Variants in ANKRD36 observed in about 807,000 individuals in gnomAD.
ANKRD36 encodes the protein ankyrin repeat domain-containing protein 36A.
In ANKRD36, 179 loss-of-function variants were observed where a neutral mutation model predicts 278.1. That is an observed-to-expected ratio of 0.64 (90% CI 0.57 to 0.73). ANKRD36 has a LOEUF of 0.73. ANKRD36 is among the 30% of genes least tolerant of loss of function. ANKRD36 has a pLI of 0.00. For synonymous variants in ANKRD36, 320 were observed against 641.1 expected (o/e 0.50, Z 7.57); for missense variants, 1,159 against 1,956.7 (o/e 0.59, Z 7.69).
At chr2:97,156,894 C>T (rs1310632977) in intron 15 of ANKRD36, among the ~76,000 whole-genome samples, 2 of 151,724 alleles carry the variant, frequency 1.3e-5, no homozygotes, top group African/African-American at 4.8e-5. Flanking sequence ...TGTTTCCTGA[C>T]TTTTTAATGA....
chr2:97,218,604 C>CA, intron 64 of ANKRD36, among the ~76,000 whole-genome samples: 1 of 151,920 alleles, frequency 6.6e-6, no homozygotes, highest in Non-Finnish European at 1.5e-5. Flanking sequence ...TGTACCTTCT[C>CA]AGTTATCAGA....
chr2:97,220,815 T>C (rs1158697288), intron 66 of ANKRD36, among the ~76,000 whole-genome samples: 1 of 145,924 alleles, frequency 6.9e-6, no homozygotes, highest in African/African-American at 2.6e-5. Flanking sequence ...TTAGGGTACA[T>C]GTGCACATTG....
At chr2:97,196,274 A>T (rs569856288) in intron 40 of ANKRD36, among the ~76,000 whole-genome samples, 94 of 152,072 alleles carry the variant, frequency 6.2e-4, no homozygotes, top group Non-Finnish European at 1.1e-3. Flanking sequence ...CAGGAGTGTG[A>T]GTTGCTCCTC....
At chr2:97,136,102 C>G (rs1388860951) in intron 6 of ANKRD36, among the ~76,000 whole-genome samples, 2 of 150,704 alleles carry the variant, frequency 1.3e-5, no homozygotes, top group Non-Finnish European at 3.0e-5. Context: ...AGCCCCACCC[C>G]TCACCTCCTG....
intron 56 of ANKRD36, 78 bp downstream of exon 56, chr2:97,209,950 G>C: frequency 6.6e-7 from 1 of 1,507,566 alleles, no homozygotes; most frequent in South Asian, 1.3e-5. Context: ...AATCAGCGGA[G>C]GGCTCGTTGA....
chr2:97,117,931 G>A, intron 1 of ANKRD36, 133 bp from the exon 2 acceptor site: 1 of 1,272,446 alleles, frequency 7.9e-7, no homozygotes. Context: ...TCATTAATGT[G>A]GTGAGTAATA....
intron 67 of ANKRD36, among the ~76,000 whole-genome samples, chr2:97,232,794 A>G (rs1576462354): frequency 6.6e-6 from 1 of 151,700 alleles, no homozygotes; most frequent in African/African-American, 2.4e-5. Flanking sequence ...TCAGACAAGG[A>G]AAATTTTTAT....
Position 97,202,210 on chromosome 2 carries a change from C to G in ANKRD36, c.2866C>G (p.Gln956Glu), listed in dbSNP as rs10203570. 3,893 of 1,581,458 alleles carry G rather than the reference C, an allele frequency of 2.5e-3. No homozygotes were observed. In the African/African-American group the frequency reaches 0.045, roughly 18 times the overall value. The change falls in exon 47 of 76, where the codon CAG (glutamine) becomes GAG (glutamate). Residue 956 changes from glutamine (Q) to glutamate (E), a missense_variant. Transcript: ENST00000420699. ...TCCCTTTTGCTTTTCAGTGTCTTCTCAGAAACCACCAGCCTTGAAGGTAAT... is the reference window on the plus strand; with the variant it reads ...TCCCTTTTGCTTTTCAGTGTCTTCTGAGAAACCACCAGCCTTGAAGGTAAT... ...DGEISRKVSS[Q>E]KPPALKGTSD...
intron 68 of ANKRD36, among the ~76,000 whole-genome samples, chr2:97,235,600 A>G (rs544690232): frequency 1.0e-4 from 14 of 140,180 alleles, no homozygotes; most frequent in Admixed American, 4.7e-4. Context: ...GAAAAATTCT[A>G]CATCCGACCT....
rs2443840 is a variant in ANKRD36, at chr2:97,182,959, C to T, written c.1838-500C>T. On this transcript the variant is annotated intron_variant, in intron 26 of 75. Transcript: ENST00000420699. ...GGCTGGGCCACTTCCACCGAGGACTCGTGAAGTGTACATTCTACTAAAGTG... is the reference window on the plus strand; with the variant it reads ...GGCTGGGCCACTTCCACCGAGGACTTGTGAAGTGTACATTCTACTAAAGTG... Among the ~76,000 whole-genome samples the T allele has an allele frequency of 6.6e-5, 10 of 151,702 alleles. No individual in the cohort carries two copies. The South Asian group carries it at 1.3e-3, about 19-fold the overall frequency.
chr2:97,198,142 T>G (rs1419467958), intron 42 of ANKRD36, among the ~76,000 whole-genome samples: 1 of 152,038 alleles, frequency 6.6e-6, no homozygotes, highest in East Asian at 2.0e-4. Flanking sequence ...CTCAGGTGCA[T>G]GAGTTGCCCC....
chr2:97,149,353 G>T lies in ANKRD36; in HGVS notation c.1093G>T (p.Glu365Ter). ...TGTGACAGAGAATGAGTTTTCTTTG[G>T]AATCTGAGGTAGAGTACTCTCTTGT... ...QPVTENEFSL[E>*]SEIISKLYIP... Residue 365 changes from glutamate to a stop codon, truncating the protein, a stop_gained, in exon 12 of 76, where the codon GAA becomes TAA. Coordinates refer to ENST00000420699, the MANE Select transcript of ANKRD36 (RefSeq NM_001354587.1). LOFTEE classifies it high-confidence loss of function. 6.5e-7 allele frequency: 1 copy of T among 1,532,928 alleles called. No individual in the cohort carries two copies. The highest frequency in any genetic ancestry group is 8.7e-7 in the Non-Finnish European group (1 of 1,144,694). 95.0% of individuals were successfully genotyped at this position (1,532,928 alleles called of 1,614,324 possible).
intron 4 of ANKRD36, among the ~76,000 whole-genome samples, chr2:97,123,839 TA>T (rs200742803): frequency 0.19 from 27,206 of 146,278 alleles, 3,821 homozygotes; most frequent in African/African-American, 0.39. Flanking sequence ...ATTTTATAGA[TA>T]ATATATAATA....
rs1171407384 is a variant in ANKRD36 at position 97,174,951 on chromosome 2, C to G, written c.1634-4787C>G. Reference sequence around the variant, plus strand: ...ATTTATTGATTTGCATATATTGAACCAGCCTTGCATCCCAGGGATGAAGCC... The same window carrying G: ...ATTTATTGATTTGCATATATTGAACGAGCCTTGCATCCCAGGGATGAAGCC... On this transcript the variant is annotated intron_variant, in intron 22 of 75. Transcript: ENST00000420699. Among the ~76,000 whole-genome samples, 11 of 144,774 alleles carry G rather than the reference C, an allele frequency of 7.6e-5. No individual in the cohort carries two copies. The East Asian group carries it at 2.2e-3, about 29-fold the overall frequency. The allele number at this position is 144,774 out of a possible 152,430, so 95.0% of individuals were successfully genotyped here.
intron 22 of ANKRD36, among the ~76,000 whole-genome samples, chr2:97,178,399 T>C (rs942503742): frequency 3.3e-5 from 5 of 151,828 alleles, no homozygotes; most frequent in African/African-American, 1.2e-4. Flanking sequence ...TACGGCATTA[T>C]TCACAATAGC....
rs189174973 is a variant in ANKRD36, at chr2:97,145,068, A to G, written c.1003+356A>G. Among the ~76,000 whole-genome samples, 209 of 152,138 alleles carry G rather than the reference A, an allele frequency of 1.4e-3. 4 individuals carry two copies. Among genetic ancestry groups the G allele is most frequent in the Middle Eastern group, 6.8e-3 (2 of 294 alleles). ...CTAGAAATTATAGGCGCCTGATCAC[A>G]TTGCTAAAACCAGAGGGAAGAAATG... On this transcript the variant is annotated intron_variant, in intron 10 of 75. Coordinates refer to ENST00000420699, the MANE Select transcript of ANKRD36 (RefSeq NM_001354587.1).
chr2:97,190,710 A>G (rs531631425), intron 34 of ANKRD36, among the ~76,000 whole-genome samples: 91 of 151,634 alleles, frequency 6.0e-4, no homozygotes, highest in African/African-American at 1.9e-3. Flanking sequence ...GCATATCCAC[A>G]TTGATATTGA....
At chr2:97,202,608 G>T (rs1196641485) in intron 48 of ANKRD36, among the ~76,000 whole-genome samples, 3 of 151,808 alleles carry the variant, frequency 2.0e-5, no homozygotes, top group Non-Finnish European at 4.4e-5. Flanking sequence ...CATTGAAGTT[G>T]GGAAGAATAT....
chr2:97,148,105 C>G (rs1027839886), intron 11 of ANKRD36, among the ~76,000 whole-genome samples: 1 of 151,900 alleles, frequency 6.6e-6, no homozygotes, highest in Non-Finnish European at 1.5e-5. Flanking sequence ...AACCAGGGAG[C>G]TGGAGATTGC....
Sources: gnomAD v4.1 joint callset for allele counts (sites outside exome capture counted in the v4.1 genomes callset) on GRCh38, gnomAD v4.1.1 for gene constraint, MANE v1.5 for transcripts, NCBI Gene and HGNC (gene_info 2026-07-23, HGNC 2026-07-21) for gene names.